The following KLC1 variants were observed in gnomAD, a reference collection of about 807,000 sequenced individuals.
The protein encoded by KLC1 is kinesin 2 60/70kDa.
KLC1 carries 30 observed loss-of-function variants against 84.2 expected under a neutral mutation model. The ratio of observed to expected loss-of-function variants is 0.36; its 90% CI spans 0.27 to 0.48. The LOEUF (loss-of-function observed/expected upper bound fraction) is 0.48, where lower values mean the gene tolerates loss of function less well. Among genes scored for constraint, KLC1 ranks in the 20% least tolerant of loss-of-function variants. KLC1 has a pLI of 0.99. For missense variants in KLC1, 499 were observed against 805.4 expected, an observed-to-expected ratio of 0.62 and a Z score of 4.60; for synonymous variants, 289 against 293.3, an observed-to-expected ratio of 0.99 and a Z score of 0.15.
At chr14:103,656,351 T>C (rs888492465) in intron 2 of KLC1, among the ~76,000 whole-genome samples, 1 of 152,214 alleles carries the variant, frequency 6.6e-6, no homozygotes, top group East Asian at 1.9e-4. Context: ...TATCTTTGAC[T>C]AACCTTTGTT....
Position 103,659,934 on chromosome 14 carries a change from G to A in KLC1, c.492+2158G>A, listed in dbSNP as rs116963966. On this transcript the variant is annotated intron_variant, in intron 3 of 16. Transcript: ENST00000334553. Reference sequence around the variant, plus strand: ...TGTGTTCTCATATGGTACAGAGAGAGAGGGAGTAAGCTCTCTGGTGTCTCT... The same window carrying A: ...TGTGTTCTCATATGGTACAGAGAGAAAGGGAGTAAGCTCTCTGGTGTCTCT... 9.5e-4 allele frequency among the ~76,000 whole-genome samples: 145 copies of A among 152,304 alleles called. 3 individuals carry two copies. The East Asian group carries it at 0.02, about 21-fold the overall frequency.
chr14:103,683,891 A>G (rs1424522982), intron 13 of KLC1: 1 of 152,256 alleles, frequency 6.6e-6, no homozygotes, highest in Admixed American at 6.5e-5. Context: ...AAAAATGACA[A>G]TAAGGGCTGG....
chr14:103,643,175 A>C (rs1162404559), intron 1 of KLC1, among the ~76,000 whole-genome samples: 1 of 152,260 alleles, frequency 6.6e-6, no homozygotes, highest in African/African-American at 2.4e-5. Flanking sequence ...AAATGAGGAA[A>C]GAGACAAAGA....
intron 1 of KLC1, among the ~76,000 whole-genome samples, chr14:103,648,213 T>C (rs1448779295): frequency 6.6e-6 from 1 of 152,148 alleles, no homozygotes; most frequent in Non-Finnish European, 1.5e-5. Context: ...CCTCCCAAAG[T>C]GCTGGGATTA....
intron 14 of KLC1, among the ~76,000 whole-genome samples, chr14:103,689,231 T>A (rs1475209280): frequency 6.6e-6 from 1 of 152,164 alleles, no homozygotes; most frequent in Admixed American, 6.5e-5. Flanking sequence ...AAGTGCAGAG[T>A]CCAGTTCTGG....
Position 103,654,634 on chromosome 14 carries a change from A to G in KLC1, c.70A>G (p.Ile24Val). 1 of 1,614,190 alleles carries G rather than the reference A, an allele frequency of 6.2e-7. No individual in the cohort carries two copies. The highest frequency in any genetic ancestry group is 8.5e-7 in the Non-Finnish European group (1 of 1,179,996). ...GTTGGAGAAGCTTACACAGGATGAA[A>G]TTATTTCTAAGACAAAGCAAGTAAT... ...DKLEKLTQDE[I>V]ISKTKQVIQG... The change falls in exon 2 of 17, where the codon ATT (isoleucine) becomes GTT (valine). Residue 24 changes from isoleucine to valine, a missense_variant. By Grantham distance (29) the Ile-to-Val change is conservative. Around this residue, in one of 3 missense-constraint regions of KLC1, gnomAD observed 179 missense variants for 264.2 expected, o/e 0.68. Coordinates refer to ENST00000334553, the MANE Select transcript of KLC1 (RefSeq NM_001394837.1).
chr14:103,663,271 G>T (rs1488969881), intron 5 of KLC1, among the ~76,000 whole-genome samples: 1 of 151,922 alleles, frequency 6.6e-6, no homozygotes, highest in Non-Finnish European at 1.5e-5. Flanking sequence ...TAGTAAAGAC[G>T]GGGTTTCATC....
intron 12 of KLC1, among the ~76,000 whole-genome samples, chr14:103,677,826 G>T (rs2081030780): frequency 6.6e-6 from 1 of 151,736 alleles, no homozygotes; most frequent in African/African-American, 2.4e-5. Context: ...GGGCGTGGTG[G>T]CACACGCCTG....
In KLC1 at chr14:103,693,447, C is replaced by G; in HGVS notation, c.1848+1022C>G. 6.6e-7 allele frequency: 1 copy of G among 1,506,546 alleles called. No individual in the cohort carries two copies. The highest frequency in any genetic ancestry group is 2.0e-5 in the Admixed American group (1 of 48,952). 93.3% of individuals were successfully genotyped at this position (1,506,546 alleles called of 1,614,324 possible). A position where few individuals can be genotyped will look rare whatever the true frequency, so the allele number is the denominator to read the frequency against. The stretch of plus-strand genomic sequence containing the variant: ...ACCCCTGGGCCTCTCGAGTGCCAAC[C>G]TAGATTTAGCTGTGCAGCTGGTACT... On this transcript the variant is annotated intron_variant, in intron 15 of 16. Transcript: ENST00000334553. This position sits in a 1 kb window ranked among gnomAD's most constrained non-coding sequence, Gnocchi z 5.1.
chr14:103,689,581 C>G (rs1429227107), intron 14 of KLC1, among the ~76,000 whole-genome samples: 2 of 152,190 alleles, frequency 1.3e-5, no homozygotes, highest in East Asian at 1.9e-4. Flanking sequence ...CAGACAGAGA[C>G]TGTGAGGCCC....
At chr14:103,667,438 C>T (rs1224976425) in intron 5 of KLC1, among the ~76,000 whole-genome samples, 2 of 151,766 alleles carry the variant, frequency 1.3e-5, no homozygotes, top group African/African-American at 2.4e-5. Flanking sequence ...GCATTTGCTA[C>T]AATTCTCCTG....
intron 14 of KLC1, among the ~76,000 whole-genome samples, chr14:103,691,489 T>G: frequency 5.8e-5 from 6 of 102,914 alleles, no homozygotes; most frequent in Non-Finnish European, 5.6e-5. Context: ...TTTTTTTTGG[T>G]AGGTGGAGTC....
intron 15 of KLC1, chr14:103,697,134 T>C: frequency 1.0e-6 from 1 of 984,992 alleles, no homozygotes; most frequent in Non-Finnish European, 1.2e-6. Context: ...AGAAATAAAA[T>C]GTCTTACTTG....
At chr14:103,679,789 G>A in intron 13 of KLC1, 1 of 459,710 alleles carries the variant, frequency 2.2e-6, no homozygotes, top group South Asian at 3.9e-5. Flanking sequence ...TGCTGATTGA[G>A]TGTCCTGGCT....
chr14:103,685,388 G>A, intron 13 of KLC1: 1 of 1,204,908 alleles, frequency 8.3e-7, no homozygotes, highest in Non-Finnish European at 1.0e-6. Flanking sequence ...CGCTTAAAGT[G>A]TTGACATTTA....
chr14:103,666,620 G>A (rs1185831237), intron 5 of KLC1, among the ~76,000 whole-genome samples: 1 of 146,968 alleles, frequency 6.8e-6, no homozygotes, highest in Non-Finnish European at 1.5e-5. Flanking sequence ...TTTCTGAAAC[G>A]AAGTCTTGCT....
intron 13 of KLC1, chr14:103,684,969 AT>A: frequency 1.1e-6 from 1 of 927,936 alleles, no homozygotes. Flanking sequence ...AACAAGTGTT[AT>A]TTTTCCATTT....
intron 1 of KLC1, among the ~76,000 whole-genome samples, chr14:103,647,835 A>C (rs61995779): frequency 1 from 149,232 of 149,238 alleles, 74,613 homozygotes; most frequent in Middle Eastern, 1. Context: ...GAGATTGTGC[A>C]ACTGCACTCC....
At chr14:103,695,068 G>A in intron 15 of KLC1, 2 of 985,336 alleles carry the variant, frequency 2.0e-6, no homozygotes, top group Non-Finnish European at 2.4e-6. Flanking sequence ...GGTGGATCAG[G>A]AGCTTACATT....
Sources: allele counts gnomAD v4.1 joint callset (sites outside exome capture counted in the v4.1 genomes callset), GRCh38; gene constraint gnomAD v4.1.1; regional missense constraint gnomAD v4.1.1; non-coding constraint Gnocchi (gnomAD v3.1); transcripts MANE v1.5; gene names NCBI Gene and HGNC (gene_info 2026-07-23, HGNC 2026-07-21).